RXFP1: variants seen among roughly 807,000 people sequenced by gnomAD.
The protein encoded by RXFP1 is relaxin family peptide receptor 1.
In RXFP1, 73 loss-of-function variants were observed where a neutral mutation model predicts 89.8. The ratio of observed to expected loss-of-function variants is 0.81; its 90% confidence interval spans 0.67 to 0.99. The LOEUF is 0.99. RXFP1 is among the 50% of genes least tolerant of loss of function. RXFP1 has a pLI of 0.00. For synonymous variants in RXFP1, 277 were observed against 305.5 expected (o/e 0.91, Z 0.97); for missense variants, 793 against 895.5 (o/e 0.89, Z 1.46).
At chr4:158,555,257 C>A (rs989458067) in intron 1 of RXFP1, among the ~76,000 whole-genome samples, 1 of 152,084 alleles carries the variant, frequency 6.6e-6, no homozygotes, top group African/African-American at 2.4e-5. Context: ...TTATTCCACT[C>A]CAATAAGTCA....
intron 16 of RXFP1, among the ~76,000 whole-genome samples, chr4:158,647,788 C>T (rs963193437): frequency 3.3e-5 from 5 of 151,944 alleles, no homozygotes; most frequent in East Asian, 1.9e-4. Context: ...GAGGCCGAGG[C>T]GGGCCAATCA....
chr4:158,532,158 TCAG>T (rs1353011740), intron 1 of RXFP1, among the ~76,000 whole-genome samples: 1 of 152,086 alleles, frequency 6.6e-6, no homozygotes, highest in African/African-American at 2.4e-5. Flanking sequence ...CACCCAGTGT[TCAG>T]CTCCCACTTA....
chr4:158,523,814 A>C (rs900970374), intron 1 of RXFP1, among the ~76,000 whole-genome samples: 10 of 152,218 alleles, frequency 6.6e-5, no homozygotes, highest in Non-Finnish European at 8.8e-5. Flanking sequence ...TCCTGGGCAC[A>C]TAGCAATGGA....
At chr4:158,544,625 G>A (rs1174768011) in intron 1 of RXFP1, among the ~76,000 whole-genome samples, 1 of 151,594 alleles carries the variant, frequency 6.6e-6, no homozygotes, top group Non-Finnish European at 1.5e-5. Flanking sequence ...AGTCCCTGGA[G>A]TGTGATGTTC....
chr4:158,586,366 T>G (rs1452534019), intron 2 of RXFP1, among the ~76,000 whole-genome samples: 1 of 152,236 alleles, frequency 6.6e-6, no homozygotes, highest in African/African-American at 2.4e-5. Context: ...AAAGCTCTTT[T>G]TTAGTAAAAA....
At chr4:158,575,793 T>C (rs369051523) in intron 2 of RXFP1, among the ~76,000 whole-genome samples, 2 of 152,222 alleles carry the variant, frequency 1.3e-5, no homozygotes, top group South Asian at 4.1e-4. Context: ...CCTAAGACAA[T>C]AGGACATGAA....
intron 1 of RXFP1, among the ~76,000 whole-genome samples, chr4:158,571,640 C>T (rs1278698650): frequency 6.6e-6 from 1 of 151,174 alleles, no homozygotes; most frequent in East Asian, 1.9e-4. Context: ...CCAGCCTGGG[C>T]GACAAGAGTG....
At chr4:158,529,486 C>T (rs1295519198) in intron 1 of RXFP1, among the ~76,000 whole-genome samples, 1 of 152,088 alleles carries the variant, frequency 6.6e-6, no homozygotes, top group Non-Finnish European at 1.5e-5. Context: ...TCTCGAACTC[C>T]TGGGCTCAAG....
intron 4 of RXFP1, among the ~76,000 whole-genome samples, chr4:158,600,225 C>A (rs948457020): frequency 6.6e-6 from 1 of 152,106 alleles, no homozygotes; most frequent in Non-Finnish European, 1.5e-5. Context: ...AAGAGTAATT[C>A]TTGAGTTTAT....
At position 158,540,533 on chromosome 4, in the gene RXFP1, C is replaced by T. The variant is rs953292701; in HGVS notation, c.49+18508C>T. 2.6e-5 allele frequency among the ~76,000 whole-genome samples: 4 copies of T among 151,656 alleles called. No individual in the cohort carries two copies. In the South Asian group the frequency reaches 8.4e-4, roughly 32 times the overall value. On this transcript the variant is annotated intron_variant, in intron 1 of 17. Transcript: ENST00000307765. ...TCTGTACCGCAACCTGTTTTATCAG[C>T]AAGGTCTTTATGACCTGTATCTTGT...
chr4:158,623,577 A>T (rs1352615550), intron 9 of RXFP1, among the ~76,000 whole-genome samples: 1 of 152,068 alleles, frequency 6.6e-6, no homozygotes, highest in South Asian at 2.1e-4. Context: ...ACCAAAATAA[A>T]TAAATAACAT....
At chr4:158,549,084 A>T (rs1749356428) in intron 1 of RXFP1, among the ~76,000 whole-genome samples, 1 of 151,790 alleles carries the variant, frequency 6.6e-6, no homozygotes, top group Admixed American at 6.6e-5. Flanking sequence ...ACTTTCAGGT[A>T]CACCAATCAG....
chr4:158,603,358 A>G (rs1186117126), intron 4 of RXFP1, among the ~76,000 whole-genome samples: 1 of 152,238 alleles, frequency 6.6e-6, no homozygotes, highest in Non-Finnish European at 1.5e-5. Flanking sequence ...CTCCTCAATT[A>G]GTTAATATAT....
At chr4:158,649,322 C>T (rs1030650097) in intron 17 of RXFP1, among the ~76,000 whole-genome samples, 1 of 151,964 alleles carries the variant, frequency 6.6e-6, no homozygotes, top group Admixed American at 6.6e-5. Context: ...GGAAAACAGG[C>T]CAAAACAATT....
chr4:158,544,135 G>A (rs1015285767), intron 1 of RXFP1: 1 of 980,990 alleles, frequency 1.0e-6, no homozygotes, highest in African/African-American at 1.8e-5. Flanking sequence ...AAATATAAAT[G>A]AAGGAGAATC....
At chr4:158,545,357 T>C (rs1748025490) in intron 1 of RXFP1, among the ~76,000 whole-genome samples, 1 of 152,218 alleles carries the variant, frequency 6.6e-6, no homozygotes, top group African/African-American at 2.4e-5. Flanking sequence ...TAGCCCTTTG[T>C]CAGATAGGTA....
chr4:158,534,328 A>G (rs1744771325), intron 1 of RXFP1, among the ~76,000 whole-genome samples: 1 of 150,172 alleles, frequency 6.7e-6, no homozygotes, highest in Admixed American at 6.6e-5. Context: ...GCTCATTGCA[A>G]CCTCCACCTC....
At chr4:158,576,795 C>T (rs1756337198) in intron 2 of RXFP1, among the ~76,000 whole-genome samples, 1 of 152,082 alleles carries the variant, frequency 6.6e-6, no homozygotes, top group Non-Finnish European at 1.5e-5. Flanking sequence ...CAAAGATGCC[C>T]AGTTGGCATG....
At chr4:158,575,928 T>A (rs1450830248) in intron 2 of RXFP1, among the ~76,000 whole-genome samples, 1 of 152,188 alleles carries the variant, frequency 6.6e-6, no homozygotes. Flanking sequence ...TTGGATGGAC[T>A]CCACTGAGAT....
Sources: gnomAD v4.1 joint callset for allele counts (sites outside exome capture counted in the v4.1 genomes callset) on GRCh38, gnomAD v4.1.1 for gene constraint, MANE v1.5 for transcripts, NCBI Gene and HGNC (gene_info 2026-07-23, HGNC 2026-07-21) for gene names.